PPP3CA: variants seen among roughly 807,000 people sequenced by gnomAD.
PPP3CA encodes the protein CAM-PRP catalytic subunit.
A neutral mutation model predicts 66.5 loss-of-function variants in PPP3CA; 14 were observed. That is an observed-to-expected ratio of 0.21 (90% CI 0.14 to 0.33). The LOEUF (loss-of-function observed/expected upper bound fraction) is 0.33, where lower values mean the gene tolerates loss of function less well. PPP3CA is among the 10% of genes least tolerant of loss of function. PPP3CA has a pLI of 1.00. For synonymous variants in PPP3CA, 232 were observed against 226.2 expected (o/e 1.03, Z -0.23); for missense variants, 317 against 639.5 (o/e 0.50, Z 5.44).
At chr4:101,307,982 G>A (rs1247587985) in intron 1 of PPP3CA, among the ~76,000 whole-genome samples, 1 of 152,172 alleles carries the variant, frequency 6.6e-6, no homozygotes, top group Admixed American at 6.5e-5. Flanking sequence ...AATAATTAGT[G>A]ATAAAGAAAG....
At chr4:101,219,126 C>T (rs972700007) in intron 1 of PPP3CA, among the ~76,000 whole-genome samples, 3 of 151,976 alleles carry the variant, frequency 2.0e-5, no homozygotes, top group Admixed American at 2.0e-4. Flanking sequence ...AAGGGTGTGA[C>T]TGGGGCTTTA....
intron 2 of PPP3CA, among the ~76,000 whole-genome samples, chr4:101,154,054 T>C (rs757618678): frequency 3.3e-5 from 5 of 152,220 alleles, no homozygotes; most frequent in Non-Finnish European, 7.3e-5. Flanking sequence ...AATATGCTAC[T>C]TAACAATAGA....
At chr4:101,084,057 G>A (rs113054439) in intron 6 of PPP3CA, among the ~76,000 whole-genome samples, 3,543 of 152,198 alleles carry the variant, frequency 0.023, 62 homozygotes, top group Middle Eastern at 0.088. Context: ...ACCTTTTACA[G>A]TCATTATGTC....
intron 2 of PPP3CA, among the ~76,000 whole-genome samples, chr4:101,112,551 G>T (rs928840629): frequency 5.3e-5 from 8 of 152,056 alleles, no homozygotes; most frequent in Non-Finnish European, 1.0e-4. Context: ...GGAAAATGAC[G>T]TGCATATAAT....
intron 2 of PPP3CA, among the ~76,000 whole-genome samples, chr4:101,195,621 C>G (rs1358238498): frequency 6.6e-6 from 1 of 152,158 alleles, no homozygotes; most frequent in African/African-American, 2.4e-5. Context: ...TCCTGTGTGC[C>G]ACTTAGTATT....
intron 3 of PPP3CA, 140 bp downstream of exon 3, chr4:101,108,814 A>G: frequency 2.4e-6 from 2 of 818,350 alleles, no homozygotes; most frequent in Non-Finnish European, 1.8e-6. Flanking sequence ...TGAAAATATA[A>G]TATGTAATAT....
chr4:101,298,868 T>C (rs1451676739), intron 1 of PPP3CA, among the ~76,000 whole-genome samples: 1 of 118,942 alleles, frequency 8.4e-6, no homozygotes, highest in African/African-American at 3.0e-5. Context: ...TGTGTGTGTG[T>C]GTGTGTGTGT....
intron 2 of PPP3CA, among the ~76,000 whole-genome samples, chr4:101,172,135 T>C (rs1157752008): frequency 6.6e-6 from 1 of 152,126 alleles, no homozygotes; most frequent in Non-Finnish European, 1.5e-5. Flanking sequence ...CTTGACTCTC[T>C]CAATAAGCCC....
intron 3 of PPP3CA, chr4:101,108,205 G>C (rs1381052777): frequency 6.6e-6 from 1 of 152,202 alleles, no homozygotes; most frequent in East Asian, 1.9e-4. Flanking sequence ...TACAGCAGCT[G>C]TAAGTGTACT....
intron 10 of PPP3CA, among the ~76,000 whole-genome samples, chr4:101,055,247 T>C (rs1728178654): frequency 6.6e-6 from 1 of 152,134 alleles, no homozygotes; most frequent in Non-Finnish European, 1.5e-5. Flanking sequence ...GAAGGTTGAT[T>C]TCTGTTAGCT....
chr4:101,178,388 A>T (rs1052333338), intron 2 of PPP3CA, among the ~76,000 whole-genome samples: 13 of 152,120 alleles, frequency 8.5e-5, no homozygotes, highest in African/African-American at 3.1e-4. Flanking sequence ...TTGATTAATT[A>T]AGCAAAAAAT....
At chr4:101,043,580 T>A (rs935568658) in intron 10 of PPP3CA, among the ~76,000 whole-genome samples, 1 of 151,822 alleles carries the variant, frequency 6.6e-6, no homozygotes, top group Non-Finnish European at 1.5e-5. Flanking sequence ...AAACTCTCCT[T>A]TTCAAATTTC....
chr4:101,289,620 A>G (rs534646143), intron 1 of PPP3CA, among the ~76,000 whole-genome samples: 191 of 152,326 alleles, frequency 1.3e-3, no homozygotes, highest in Non-Finnish European at 2.1e-3. Context: ...AATGAGTCAA[A>G]GATTGTAAAT....
At chr4:101,112,967 A>G (rs1366426880) in intron 2 of PPP3CA, among the ~76,000 whole-genome samples, 1 of 152,128 alleles carries the variant, frequency 6.6e-6, no homozygotes, top group East Asian at 1.9e-4. Context: ...GGCCTACGCT[A>G]TGCTTAATTT....
intron 1 of PPP3CA, among the ~76,000 whole-genome samples, chr4:101,289,255 G>T (rs918243739): frequency 6.6e-6 from 1 of 152,136 alleles, no homozygotes; most frequent in Non-Finnish European, 1.5e-5. Context: ...ACATATAGGT[G>T]TAATCATGGT....
At chr4:101,124,725 G>GAAAGAAAGAAAGAAAA (rs1412415941) in intron 2 of PPP3CA, among the ~76,000 whole-genome samples, 6 of 58,768 alleles carry the variant, frequency 1.0e-4, no homozygotes, top group African/African-American at 2.9e-4. Context: ...AAGAAAGAAA[G>GAAAGAAAGAAAGAAAA]AGAAAGAAAG....
intron 8 of PPP3CA, among the ~76,000 whole-genome samples, chr4:101,079,200 G>C (rs900877234): frequency 6.6e-6 from 1 of 152,118 alleles, no homozygotes; most frequent in African/African-American, 2.4e-5. Flanking sequence ...TAGGCATCCT[G>C]GACACCAGGC....
At chr4:101,158,214 G>A (rs1388127662) in intron 2 of PPP3CA, 2 of 152,168 alleles carry the variant, frequency 1.3e-5, no homozygotes, top group Non-Finnish European at 2.9e-5. Flanking sequence ...ATGACAAAGA[G>A]TCATCATCTC....
intron 2 of PPP3CA, among the ~76,000 whole-genome samples, chr4:101,175,048 T>C (rs1724014561): frequency 6.6e-6 from 1 of 152,036 alleles, no homozygotes; most frequent in Non-Finnish European, 1.5e-5. Flanking sequence ...TTTGGAGACA[T>C]AACAAAGATC....
Sources: allele counts gnomAD v4.1 joint callset (sites outside exome capture counted in the v4.1 genomes callset), GRCh38; gene constraint gnomAD v4.1.1; transcripts MANE v1.5; gene names NCBI Gene and HGNC (gene_info 2026-07-23, HGNC 2026-07-21).